COL10A1: variants seen among roughly 807,000 people sequenced by gnomAD.
The protein encoded by COL10A1 is collagen alpha-1(X) chain.
A neutral mutation model predicts 18.2 loss-of-function variants in COL10A1; 10 were observed. That is an observed-to-expected ratio of 0.55 (90% CI 0.34 to 0.93). COL10A1 has a LOEUF of 0.93. Ranked by LOEUF, COL10A1 falls within the 40% of genes least tolerant of loss-of-function variation. COL10A1 has a pLI of 0.02. For synonymous variants in COL10A1, 330 were observed against 316.6 expected (o/e 1.04, Z -0.45); for missense variants, 897 against 853.5 (o/e 1.05, Z -0.64).
At chr6:116,169,940 A>G in the COL10A1 span, among the ~76,000 whole-genome samples, 4 of 152,228 alleles carry the variant, frequency 2.6e-5, 1 homozygote, top group Non-Finnish European at 5.9e-5. Flanking sequence ...GGAAAACAAC[A>G]GAAATAGGGG....
chr6:116,203,940 C>T, the COL10A1 span, among the ~76,000 whole-genome samples: 2 of 151,682 alleles, frequency 1.3e-5, no homozygotes, highest in African/African-American at 4.8e-5. Context: ...TAGAGAACAC[C>T]AGTAGTTTTA....
the COL10A1 span, among the ~76,000 whole-genome samples, chr6:116,204,594 A>G: frequency 2.0e-5 from 3 of 151,976 alleles, no homozygotes; most frequent in East Asian, 1.9e-4. Context: ...CAGATATGCA[A>G]TGAGCCAGCC....
the COL10A1 span, among the ~76,000 whole-genome samples, chr6:116,168,102 TA>T: frequency 4.1e-3 from 561 of 136,928 alleles, 4 homozygotes; most frequent in Non-Finnish European, 6.6e-3. Context: ...TTTTTTTTTT[TA>T]AATTCTCCTT....
At chr6:116,132,654 C>A (rs373644282) in intron 1 of COL10A1, among the ~76,000 whole-genome samples, 1 of 152,240 alleles carries the variant, frequency 6.6e-6, no homozygotes, top group East Asian at 1.9e-4. Flanking sequence ...AACTGAGTTA[C>A]ATTTCTGATG....
At position 116,121,321 on chromosome 6, in the gene COL10A1, C is replaced by G; in HGVS notation, c.795G>C (p.Lys265Asn). 1 of 1,613,958 alleles carries G rather than the reference C, an allele frequency of 6.2e-7. No individual in the cohort carries two copies. Among genetic ancestry groups the G allele is most frequent in the Non-Finnish European group, 8.5e-7 (1 of 1,179,936 alleles). Residue 265 changes from lysine (K) to asparagine (N), a missense_variant, in exon 3 of 3, where the codon AAG becomes AAC. Physicochemically the swap from Lys to Asn is moderately conservative, Grantham distance 94. Coordinates refer to ENST00000651968, the MANE Select transcript of COL10A1 (RefSeq NM_000493.4). ...PGERGPEGIG[K>N]PGAAGAPGQP... Reference sequence around the variant, plus strand: ...GGCCTGGGGCTCCAGCAGCTCCTGGCTTTCCAATGCCTTCTGGCCCTCGTT... The same window carrying G: ...GGCCTGGGGCTCCAGCAGCTCCTGGGTTTCCAATGCCTTCTGGCCCTCGTT...
the COL10A1 span, among the ~76,000 whole-genome samples, chr6:116,216,961 A>C: frequency 6.6e-6 from 1 of 152,188 alleles, no homozygotes; most frequent in Non-Finnish European, 1.5e-5. Flanking sequence ...CTGCAATGGA[A>C]ACAACAGACC....
At chr6:116,190,990 T>C in the COL10A1 span, among the ~76,000 whole-genome samples, 4 of 151,932 alleles carry the variant, frequency 2.6e-5, no homozygotes, top group African/African-American at 9.7e-5. Flanking sequence ...CTCTTTATTT[T>C]AAGTGAGGAA....
At chr6:116,181,898 T>G in the COL10A1 span, among the ~76,000 whole-genome samples, 1 of 152,146 alleles carries the variant, frequency 6.6e-6, no homozygotes, top group Non-Finnish European at 1.5e-5. Flanking sequence ...AATAGGTTTT[T>G]GGGAAACAGT....
chr6:116,127,705 A>G (rs556723267), upstream of COL10A1, among the ~76,000 whole-genome samples: 40 of 152,210 alleles, frequency 2.6e-4, no homozygotes, highest in Middle Eastern at 6.8e-3. Context: ...GAATTATTAA[A>G]ATATATATTT....
chr6:116,181,968 T>A, the COL10A1 span, among the ~76,000 whole-genome samples: 1 of 152,098 alleles, frequency 6.6e-6, no homozygotes, highest in Admixed American at 6.6e-5. Context: ...GGTGCACCCA[T>A]CACCTGAGCA....
At chr6:116,150,893 C>T (rs1780021692) in intron 1 of COL10A1, among the ~76,000 whole-genome samples, 1 of 151,928 alleles carries the variant, frequency 6.6e-6, no homozygotes, top group Non-Finnish European at 1.5e-5. Flanking sequence ...CATATTTAAC[C>T]ATTACATAGG....
chr6:116,121,249 T>C lies in COL10A1; in HGVS notation c.867A>G (p.Ile289Met). ...GTKGLPGAPG[I>M]AGPPGPPGFG... ...AGCCAGGAGGCCCTGGGGGCCCAGC[T>C]ATTCCTGGAGCCCCAGGGAGACCTT... Residue 289 changes from isoleucine (I) to methionine (M), a missense_variant, in exon 3 of 3, where the codon ATA (isoleucine) becomes ATG (methionine). Physicochemically the swap from Ile to Met is conservative, Grantham distance 10. Transcript: ENST00000651968. The C allele has an allele frequency of 6.2e-7, 1 of 1,613,854 alleles. No homozygotes were observed. Among genetic ancestry groups the C allele is most frequent in the Non-Finnish European group, 8.5e-7 (1 of 1,179,912 alleles).
chr6:116,138,538 C>CATCCTTGCTTCAG, intron 1 of COL10A1, among the ~76,000 whole-genome samples: 2 of 152,106 alleles, frequency 1.3e-5, no homozygotes, highest in African/African-American at 4.8e-5. Context: ...TAATTAAAAA[C>CATCCTTGCTTCAG]GAAGCTAATT....
the COL10A1 span, among the ~76,000 whole-genome samples, chr6:116,174,859 A>G: frequency 6.6e-6 from 1 of 152,182 alleles, no homozygotes; most frequent in Non-Finnish European, 1.5e-5. Context: ...GTTCCCTACA[A>G]ACACTACATA....
chr6:116,168,244 A>T, the COL10A1 span, among the ~76,000 whole-genome samples: 3 of 151,954 alleles, frequency 2.0e-5, no homozygotes, highest in African/African-American at 7.2e-5. Context: ...TTCATATTTT[A>T]GAAGATATTT....
chr6:116,176,669 A>T, the COL10A1 span, among the ~76,000 whole-genome samples: 1 of 152,058 alleles, frequency 6.6e-6, no homozygotes, highest in Non-Finnish European at 1.5e-5. Context: ...TTTCCCAACC[A>T]CATATTGTCC....
At chr6:116,161,313 C>T (rs1210841634), upstream of COL10A1, among the ~76,000 whole-genome samples, 1 of 151,116 alleles carries the variant, frequency 6.6e-6, no homozygotes, top group Admixed American at 6.6e-5. Flanking sequence ...GCACATTGTG[C>T]ACATGTACCC....
the COL10A1 span, among the ~76,000 whole-genome samples, chr6:116,199,975 T>G: frequency 7.1e-5 from 10 of 140,756 alleles, 3 homozygotes; most frequent in Admixed American, 6.4e-4. Flanking sequence ...TTGTACTTCC[T>G]TACAAAGAGT....
At position 116,119,756 on chromosome 6, in the gene COL10A1, A is replaced by T. The variant is rs553227989; in HGVS notation, c.*317T>A. ...GAGCTCTATTTCTGTTTTTTTTTTT[A>T]ATTTTTTTTTTGTTGTTTGTTTTTT... On this transcript the variant is annotated 3_prime_UTR_variant, in exon 3 of 3. Coordinates refer to ENST00000651968, the MANE Select transcript of COL10A1 (RefSeq NM_000493.4). The T allele has an allele frequency of 2.6e-3, 594 of 227,868 alleles. 12 individuals are homozygous for T. In the South Asian group the frequency reaches 0.037, roughly 14 times the overall value. The allele number at this position is 227,868 out of a possible 1,614,324, so 14.1% of individuals were successfully genotyped here.
Sources: allele counts gnomAD v4.1 joint callset (sites outside exome capture counted in the v4.1 genomes callset), GRCh38; gene constraint gnomAD v4.1.1; transcripts MANE v1.5; gene names NCBI Gene and HGNC (gene_info 2026-07-23, HGNC 2026-07-21).